ZNF569: variants seen among roughly 807,000 people sequenced by gnomAD.
The protein encoded by ZNF569 is zinc finger protein 569.
In ZNF569, 38 loss-of-function variants were observed where a neutral mutation model predicts 56.3. The observed-to-expected ratio is 0.68, with a 90% CI of 0.52 to 0.88. ZNF569 has a LOEUF of 0.88. Ranked by LOEUF, ZNF569 falls within the 40% of genes least tolerant of loss-of-function variation. The pLI is 0.00. For synonymous variants in ZNF569, 241 were observed against 262.9 expected (o/e 0.92, Z 0.81); for missense variants, 666 against 809.2 (o/e 0.82, Z 2.15).
chr19:37,452,233 C>T (rs374706503), intron 2 of ZNF569, among the ~76,000 whole-genome samples: 1 of 152,330 alleles, frequency 6.6e-6, no homozygotes, highest in East Asian at 1.9e-4. Context: ...TTATAACTGT[C>T]ACAATTCACA....
Position 37,444,933 on chromosome 19 carries a change from T to G in ZNF569, c.-12A>C, listed in dbSNP as rs764928932. On this transcript the variant is annotated 5_prime_UTR_variant, in exon 3 of 6. Coordinates refer to ENST00000316950, the MANE Select transcript of ZNF569 (RefSeq NM_152484.3). Reference sequence around the variant, plus strand: ...TGGGACTCAGTCATTTCCTCTTCTTTCTGGGAAGGGATGGGGCCTGCAGAA... The same window carrying G: ...TGGGACTCAGTCATTTCCTCTTCTTGCTGGGAAGGGATGGGGCCTGCAGAA... 12 of 1,608,790 alleles carry G rather than the reference T, an allele frequency of 7.5e-6. No homozygotes were observed. The South Asian group carries it at 1.3e-4, about 18-fold the overall frequency.
At chr19:37,454,010 T>G (rs1288574803) in intron 2 of ZNF569, among the ~76,000 whole-genome samples, 1 of 152,156 alleles carries the variant, frequency 6.6e-6, no homozygotes, top group African/African-American at 2.4e-5. Context: ...GGTTAAGAAG[T>G]TTTTACACTT....
intron 5 of ZNF569, among the ~76,000 whole-genome samples, chr19:37,420,129 G>A (rs769997854): frequency 1.6e-4 from 25 of 151,948 alleles, no homozygotes; most frequent in Non-Finnish European, 3.4e-4. Context: ...TGGGATTACA[G>A]GTGTGCGCCA....
intron 3 of ZNF569, among the ~76,000 whole-genome samples, chr19:37,441,649 C>G (rs1318778970): frequency 6.6e-6 from 1 of 150,960 alleles, no homozygotes; most frequent in African/African-American, 2.4e-5. Context: ...GAGTAAGACC[C>G]TGTTTCAAAA....
At chr19:37,423,146 T>C (rs1468337175) in intron 5 of ZNF569, among the ~76,000 whole-genome samples, 1 of 152,174 alleles carries the variant, frequency 6.6e-6, no homozygotes, top group African/African-American at 2.4e-5. Context: ...AAGACTAGAA[T>C]TAAGTGGGTA....
At chr19:37,427,685 C>T (rs2041157070) in intron 3 of ZNF569, 1 of 420,588 alleles carries the variant, frequency 2.4e-6, no homozygotes. Context: ...CCTGAAAGCC[C>T]TTCCTGCTGA....
At chr19:37,426,011 AG>A in intron 4 of ZNF569, 48 bp from the exon 5 acceptor site, 1 of 1,588,886 alleles carries the variant, frequency 6.3e-7, no homozygotes, top group Non-Finnish European at 8.6e-7. Context: ...CTAGGAACAA[AG>A]AACCACCCAA....
chr19:37,452,074 T>G (rs1459776448), intron 2 of ZNF569, among the ~76,000 whole-genome samples: 2 of 152,226 alleles, frequency 1.3e-5, no homozygotes, highest in African/African-American at 4.8e-5. Context: ...TTCTCTTTTG[T>G]GTAGCCTCTA....
intron 2 of ZNF569, among the ~76,000 whole-genome samples, chr19:37,463,693 CAGG>C (rs2041789005): frequency 6.6e-6 from 1 of 152,048 alleles, no homozygotes; most frequent in Non-Finnish European, 1.5e-5. Flanking sequence ...ATTATTATCA[CAGG>C]AGATGATAAC....
At position 37,451,399 on chromosome 19, in the gene ZNF569, G is replaced by GA. The variant is rs74174466; in HGVS notation, c.-43-6436dup. 6.5e-3 allele frequency among the ~76,000 whole-genome samples: 683 copies of GA among 105,052 alleles called. 2 individuals carry two copies. The highest frequency in any genetic ancestry group is 0.016 in the African/African-American group (465 of 29,394). The allele number at this position is 105,052 out of a possible 152,430, so 68.9% of individuals were successfully genotyped here. On this transcript the variant is annotated intron_variant, in intron 2 of 5. Transcript: ENST00000316950. ...TGGGTGACAGAGCAAGACCCCATCT[G>GA]AAAAAAAAAAAAAAAAAAAAGTTCT...
At chr19:37,424,043 C>A (rs2041082484) in intron 5 of ZNF569, among the ~76,000 whole-genome samples, 1 of 152,012 alleles carries the variant, frequency 6.6e-6, no homozygotes, top group South Asian at 2.1e-4. Flanking sequence ...ATTACATACA[C>A]TTGCATATGT....
intron 2 of ZNF569, among the ~76,000 whole-genome samples, chr19:37,447,787 G>A (rs1180642725): frequency 6.6e-6 from 1 of 152,106 alleles, no homozygotes; most frequent in Non-Finnish European, 1.5e-5. Flanking sequence ...AGTTTGCTGA[G>A]GAGTTGCTTT....
rs371479043 is a variant in ZNF569, at chr19:37,412,655, C to A, written c.2003G>T (p.Gly668Val). 6.2e-7 allele frequency: 1 copy of A among 1,612,810 alleles called. No homozygotes were observed. Among genetic ancestry groups the A allele is most frequent in the Non-Finnish European group, 8.5e-7 (1 of 1,179,504 alleles). Reference sequence around the variant, plus strand: ...GTGCGACTTTTGGCTGAAAGCCTTGCCACACTCAATACAGTGATAGGGCTT... The same window carrying A: ...GTGCGACTTTTGGCTGAAAGCCTTGACACACTCAATACAGTGATAGGGCTT... ...GEKPYHCIEC[G>V]KAFSQKSHLV... is the part of the protein sequence containing the mutation. The change falls in exon 6 of 6, where the codon GGC becomes GTC. Residue 668 changes from glycine (G) to valine (V), a missense_variant. Transcript: ENST00000316950.
chr19:37,464,371 A>G (rs1301640562), intron 2 of ZNF569, among the ~76,000 whole-genome samples: 1 of 152,066 alleles, frequency 6.6e-6, no homozygotes, highest in East Asian at 1.9e-4. Flanking sequence ...TTGTATTTTT[A>G]GTAGAGATGG....
At chr19:37,419,278 C>A (rs916435113) in intron 5 of ZNF569, among the ~76,000 whole-genome samples, 2 of 152,026 alleles carry the variant, frequency 1.3e-5, no homozygotes, top group African/African-American at 4.8e-5. Flanking sequence ...AAATATATTA[C>A]AACGAATATA....
rs1185133379 is a variant in ZNF569 at position 37,414,401 on chromosome 19, T to C, written c.257A>G (p.Asp86Gly). 4.4e-6 allele frequency: 7 copies of C among 1,588,364 alleles called. No individual in the cohort carries two copies. The highest frequency in any genetic ancestry group is 5.1e-6 in the Non-Finnish European group (6 of 1,170,442). ...TCTGTCCTGGTTTTTCTGATGCTCA[T>C]CAACTCCCCATATTTCTCCTAAAAC... ...RHWQGEIWGV[D>G]EHQKNQDRLL... Residue 86 changes from aspartate (D) to glycine (G), a missense_variant, in exon 6 of 6, where the codon GAT (aspartate) becomes GGT (glycine). Coordinates refer to ENST00000316950, the MANE Select transcript of ZNF569 (RefSeq NM_152484.3).
At position 37,447,983 on chromosome 19, in the gene ZNF569, A is replaced by G. The variant is rs529870023; in HGVS notation, c.-43-3019T>C. 2.6e-5 allele frequency among the ~76,000 whole-genome samples: 4 copies of G among 152,310 alleles called. No individual in the cohort carries two copies. In the South Asian group the frequency reaches 8.3e-4, roughly 32 times the overall value. The stretch of plus-strand genomic sequence containing the variant: ...TACTTTTTTCATATTGCTAGATTCA[A>G]TTCACCCATATTCTGTTGAGGATTT... On this transcript the variant is annotated intron_variant, in intron 2 of 5. Transcript: ENST00000316950.
intron 5 of ZNF569, among the ~76,000 whole-genome samples, chr19:37,418,015 C>T (rs960922647): frequency 1.3e-5 from 2 of 151,734 alleles, no homozygotes; most frequent in African/African-American, 2.4e-5. Context: ...GCAGGAGAAT[C>T]GCTTGAACCT....
chr19:37,446,629 G>A (rs1384822839), intron 2 of ZNF569, among the ~76,000 whole-genome samples: 1 of 148,200 alleles, frequency 6.7e-6, no homozygotes, highest in Non-Finnish European at 1.5e-5. Context: ...ATGGATCAAA[G>A]ACTTAAATCT....
Sources: allele counts gnomAD v4.1 joint callset (sites outside exome capture counted in the v4.1 genomes callset), GRCh38; gene constraint gnomAD v4.1.1; transcripts MANE v1.5; gene names NCBI Gene and HGNC (gene_info 2026-07-23, HGNC 2026-07-21).